Variants in GRM5 observed in about 807,000 individuals in gnomAD.
GRM5 encodes glutamate metabotropic receptor 5, also known as metabotropic glutamate receptor 5.
A neutral mutation model predicts 83.1 loss-of-function variants in GRM5; 19 were observed. That is an observed-to-expected ratio of 0.23 (90% CI 0.16 to 0.34). GRM5 has a LOEUF of 0.34. GRM5 is among the 10% of genes least tolerant of loss of function. The probability of loss-of-function intolerance (pLI) is 1.00; values close to 1 mark genes in which losing one functional copy is unlikely to be tolerated. For synonymous variants in GRM5, 675 were observed against 633.6 expected, an observed-to-expected ratio of 1.07 and a Z score of -0.98; for missense variants, 1,160 against 1,588.3, an observed-to-expected ratio of 0.73 and a Z score of 4.58.
chr11:88,674,478 G>C (rs777543709), intron 3 of GRM5, among the ~76,000 whole-genome samples: 5 of 151,888 alleles, frequency 3.3e-5, no homozygotes, highest in African/African-American at 4.8e-5. Context: ...CTACTAGACA[G>C]CTTGCTCCAG....
intron 3 of GRM5, among the ~76,000 whole-genome samples, chr11:88,680,528 G>T (rs1940452473): frequency 6.6e-6 from 1 of 152,270 alleles, no homozygotes; most frequent in Admixed American, 6.5e-5. Context: ...TTACACTGTT[G>T]TTGGGACTGT....
At chr11:88,537,283 C>T (rs1416978665) in intron 8 of GRM5, among the ~76,000 whole-genome samples, 1 of 151,938 alleles carries the variant, frequency 6.6e-6, no homozygotes, top group African/African-American at 2.4e-5. Flanking sequence ...CCCTCTGGGC[C>T]CCTTGTTAAC....
Position 88,567,024 on chromosome 11 carries a change from G to A in GRM5, c.2630+29C>T, listed in dbSNP as rs1451235940. 3 of 1,399,102 alleles carry A rather than the reference G, an allele frequency of 2.1e-6. No homozygotes were observed. In the African/African-American group the frequency reaches 4.3e-5, roughly 20 times the overall value. 86.7% of individuals were successfully genotyped at this position (1,399,102 alleles called of 1,614,324 possible). On this transcript the variant is annotated intron_variant, in intron 8 of 9. Coordinates refer to ENST00000305447, the MANE Select transcript of GRM5 (RefSeq NM_001143831.3). The surrounding 1 kb of genome is among the most constrained non-coding windows in gnomAD (Gnocchi z 7.3). The stretch of plus-strand genomic sequence containing the variant: ...GCCTCTGCTCCAGTTTTAGGGGCCA[G>A]CATCCCTGTAAGCCCCCACAACTTT...
At chr11:89,006,697 T>C (rs1940536828) in intron 2 of GRM5, among the ~76,000 whole-genome samples, 1 of 152,242 alleles carries the variant, frequency 6.6e-6, no homozygotes, top group African/African-American at 2.4e-5. Flanking sequence ...TGCCCCTTCC[T>C]GCTATTTGTA....
chr11:88,915,809 C>T (rs1945580272), intron 2 of GRM5, among the ~76,000 whole-genome samples: 4 of 152,062 alleles, frequency 2.6e-5, no homozygotes, highest in Admixed American at 2.6e-4. Context: ...CAGGAAGAGG[C>T]TTGATAACTA....
chr11:88,571,268 T>A (rs1942995328), intron 7 of GRM5, among the ~76,000 whole-genome samples: 1 of 152,244 alleles, frequency 6.6e-6, no homozygotes, highest in Non-Finnish European at 1.5e-5. Flanking sequence ...ATTAGATATA[T>A]GTGTTAAAAA....
rs181559482 is a variant in GRM5, at chr11:88,979,300, G to A, written c.661+67912C>T. Among the ~76,000 whole-genome samples the A allele has an allele frequency of 1.7e-3, 265 of 152,200 alleles. 1 individual carries two copies. The highest frequency in any genetic ancestry group is 6.1e-3 in the African/African-American group (255 of 41,524). On this transcript the variant is annotated intron_variant, in intron 2 of 9. Coordinates refer to ENST00000305447, the MANE Select transcript of GRM5 (RefSeq NM_001143831.3). The stretch of plus-strand genomic sequence containing the variant: ...CTATCATGATTTCATAACGCCGGGA[G>A]GGTTTATTGAACTTTTGATTCCAAA...
At chr11:88,844,138 T>C (rs1183597784) in intron 3 of GRM5, among the ~76,000 whole-genome samples, 1 of 152,186 alleles carries the variant, frequency 6.6e-6, no homozygotes, top group Non-Finnish European at 1.5e-5. Flanking sequence ...TTGCTTCAGA[T>C]TGTCAAAGGA....
At chr11:88,736,604 G>C (rs139788076) in intron 3 of GRM5, among the ~76,000 whole-genome samples, 1 of 152,110 alleles carries the variant, frequency 6.6e-6, no homozygotes, top group Non-Finnish European at 1.5e-5. Context: ...AAATATGTGA[G>C]TGTGAGGGGC....
At chr11:88,920,571 C>G (rs897713688) in intron 2 of GRM5, among the ~76,000 whole-genome samples, 10 of 152,080 alleles carry the variant, frequency 6.6e-5, no homozygotes, top group African/African-American at 2.2e-4. Flanking sequence ...GGAAGTACTA[C>G]TAATTCTATG....
chr11:88,959,743 C>T (rs1017819238), intron 2 of GRM5, among the ~76,000 whole-genome samples: 4 of 152,130 alleles, frequency 2.6e-5, no homozygotes, highest in African/African-American at 4.8e-5. Context: ...AGACACAGAG[C>T]TCTGGGTTAG....
chr11:88,790,904 A>G (rs903326121), intron 3 of GRM5, among the ~76,000 whole-genome samples: 1 of 152,194 alleles, frequency 6.6e-6, no homozygotes, highest in African/African-American at 2.4e-5. Context: ...CTTGCAGGCA[A>G]TGGGGAGCCT....
intron 3 of GRM5, among the ~76,000 whole-genome samples, chr11:88,834,241 T>C (rs1292952047): frequency 4.6e-5 from 7 of 152,182 alleles, no homozygotes; most frequent in African/African-American, 9.6e-5. Flanking sequence ...CATACATATG[T>C]ACAAATATGT....
chr11:88,567,488 A>C lies in GRM5; in HGVS notation c.2195T>G (p.Ile732Ser). The change falls in exon 8 of 10, where the codon ATC (isoleucine) becomes AGC (serine). Residue 732 changes from isoleucine to serine, a missense_variant. Transcript: ENST00000305447. This position sits in a 1 kb window ranked among gnomAD's most constrained non-coding sequence, Gnocchi z 7.3. Reference sequence around the variant, plus strand: ...AACTCCTAGGTTGGTGGTGTTACAGATCAGGTAGACTTCTCGAATGCTTGG... The same window carrying C: ...AACTCCTAGGTTGGTGGTGTTACAGCTCAGGTAGACTTCTCGAATGCTTGG... ...DYPSIREVYL[I>S]CNTTNLGVVT... is the part of the protein sequence containing the mutation. 1 of 1,614,106 alleles carries C rather than the reference A, an allele frequency of 6.2e-7. No individual in the cohort carries two copies. The highest frequency in any genetic ancestry group is 8.5e-7 in the Non-Finnish European group (1 of 1,179,960).
chr11:89,054,139 T>C (rs540236228), intron 1 of GRM5, among the ~76,000 whole-genome samples: 2 of 152,186 alleles, frequency 1.3e-5, no homozygotes, highest in East Asian at 1.9e-4. Context: ...AAGAGAAAAT[T>C]AGGAAACTTG....
chr11:88,576,309 T>C (rs1943109054), intron 7 of GRM5, among the ~76,000 whole-genome samples: 1 of 152,192 alleles, frequency 6.6e-6, no homozygotes, highest in Non-Finnish European at 1.5e-5. Context: ...TCCCTGGGCC[T>C]GTACCCGTCA....
At chr11:88,785,246 C>T (rs1442183584) in intron 3 of GRM5, among the ~76,000 whole-genome samples, 2 of 152,128 alleles carry the variant, frequency 1.3e-5, no homozygotes, top group East Asian at 3.9e-4. Context: ...TAGTGGCCTT[C>T]AAATAAATAG....
At chr11:89,011,155 T>G (rs911287209) in intron 2 of GRM5, among the ~76,000 whole-genome samples, 3 of 152,194 alleles carry the variant, frequency 2.0e-5, no homozygotes, top group African/African-American at 7.2e-5. Flanking sequence ...TCATAGTGCA[T>G]CTGCTTAATT....
chr11:89,000,829 A>G (rs1244862219), intron 2 of GRM5, among the ~76,000 whole-genome samples: 1 of 152,152 alleles, frequency 6.6e-6, no homozygotes, highest in Non-Finnish European at 1.5e-5. Context: ...ATTACTATCT[A>G]GAATATAGAA....
Sources: gnomAD v4.1 joint callset for allele counts (sites outside exome capture counted in the v4.1 genomes callset) on GRCh38, gnomAD v4.1.1 for gene constraint, Gnocchi (gnomAD v3.1) non-coding constraint, MANE v1.5 for transcripts, NCBI Gene and HGNC (gene_info 2026-07-23, HGNC 2026-07-21) for gene names.